The following METAP1 variants were observed in gnomAD, a reference collection of about 807,000 sequenced individuals.
METAP1 encodes the protein methionyl aminopeptidase 1, also known as methionine aminopeptidase 1.
A neutral mutation model predicts 53.8 loss-of-function variants in METAP1; 28 were observed. The ratio of observed to expected loss-of-function variants is 0.52; its 90% CI spans 0.39 to 0.71. The LOEUF (loss-of-function observed/expected upper bound fraction) is 0.71. Ranked by LOEUF, METAP1 falls within the 30% of genes least tolerant of loss-of-function variation. The pLI is 0.00. For synonymous variants in METAP1, 181 were observed against 165.7 expected (o/e 1.09, Z -0.71); for missense variants, 389 against 479.8 (o/e 0.81, Z 1.77).
rs1722919379 is a variant in METAP1 at position 99,001,392 on chromosome 4, T to TA, written c.114+5526dup. Among the ~76,000 whole-genome samples the TA allele has an allele frequency of 2.0e-5, 3 of 152,112 alleles. No homozygotes were observed. The South Asian group carries it at 6.2e-4, about 32-fold the overall frequency. On this transcript the variant is annotated intron_variant, in intron 1 of 10. Transcript: ENST00000296411. ...TTGTTTATTGTAGAAAAATAGAAAA[T>TA]ATGTGTGAAGATAATCAATTACCCA...
intron 8 of METAP1, among the ~76,000 whole-genome samples, chr4:99,048,485 A>G (rs1426062772): frequency 6.6e-6 from 1 of 152,134 alleles, no homozygotes; most frequent in Non-Finnish European, 1.5e-5. Flanking sequence ...CTCCTAGCAC[A>G]GCCTCCCAAA....
intron 1 of METAP1, among the ~76,000 whole-genome samples, chr4:99,015,591 T>C (rs145394602): frequency 1.3e-5 from 2 of 152,308 alleles, no homozygotes; most frequent in East Asian, 3.9e-4. Context: ...CCATAGAACA[T>C]TATTCCAACT....
At chr4:99,060,225 T>C (rs564797233) in intron 10 of METAP1, among the ~76,000 whole-genome samples, 2 of 152,254 alleles carry the variant, frequency 1.3e-5, no homozygotes, top group African/African-American at 4.8e-5. Flanking sequence ...CTTGTAAAAC[T>C]GAAACTCAAC....
At chr4:99,033,831 T>A (rs1036872484) in intron 2 of METAP1, among the ~76,000 whole-genome samples, 1 of 152,236 alleles carries the variant, frequency 6.6e-6, no homozygotes, top group African/African-American at 2.4e-5. Context: ...TTGTAACATC[T>A]GACCTCAGTT....
At chr4:99,033,324 A>G (rs1464887447) in intron 2 of METAP1, among the ~76,000 whole-genome samples, 2 of 152,146 alleles carry the variant, frequency 1.3e-5, no homozygotes, top group South Asian at 2.1e-4. Context: ...TAGAATGACA[A>G]TAATCAGGAA....
intron 1 of METAP1, among the ~76,000 whole-genome samples, chr4:99,011,246 T>G (rs1341615171): frequency 6.6e-6 from 1 of 152,228 alleles, no homozygotes; most frequent in Non-Finnish European, 1.5e-5. Context: ...TGGACTCAGA[T>G]GAAAAGCTTT....
chr4:99,034,880 A>T (rs1358627948), intron 3 of METAP1, among the ~76,000 whole-genome samples: 2 of 152,186 alleles, frequency 1.3e-5, no homozygotes, highest in Non-Finnish European at 2.9e-5. Context: ...TATTCTTGGC[A>T]GATAGGACTT....
At chr4:98,999,508 A>ATTTT (rs58336779) in intron 1 of METAP1, among the ~76,000 whole-genome samples, 3 of 113,052 alleles carry the variant, frequency 2.7e-5, no homozygotes, top group African/African-American at 7.8e-5. Context: ...AGGATGCTTA[A>ATTTT]TTTTTTTTTT....
chr4:99,056,139 C>CA (rs986742517), intron 9 of METAP1, among the ~76,000 whole-genome samples: 2 of 152,036 alleles, frequency 1.3e-5, no homozygotes, highest in African/African-American at 4.8e-5. Flanking sequence ...GAGTCAGCCT[C>CA]AAAGGGCGGG....
intron 10 of METAP1, among the ~76,000 whole-genome samples, chr4:99,058,436 A>G (rs1332070332): frequency 6.6e-6 from 1 of 152,080 alleles, no homozygotes; most frequent in East Asian, 1.9e-4. Context: ...CTTGGAAAGC[A>G]CACTTGGCTC....
intron 9 of METAP1, among the ~76,000 whole-genome samples, chr4:99,055,342 G>C (rs1727025030): frequency 6.7e-6 from 1 of 148,174 alleles, no homozygotes; most frequent in African/African-American, 2.5e-5. Context: ...AGTGAGCCGA[G>C]ATCGTGCCAC....
chr4:99,052,349 T>A (rs945931700), intron 9 of METAP1, among the ~76,000 whole-genome samples: 1 of 152,178 alleles, frequency 6.6e-6, no homozygotes, highest in Admixed American at 6.5e-5. Context: ...CTGGTAGAAT[T>A]CTTGTTAGAA....
chr4:99,053,887 CTATAT>C (rs1377771249), intron 9 of METAP1, among the ~76,000 whole-genome samples: 4 of 150,010 alleles, frequency 2.7e-5, no homozygotes, highest in Non-Finnish European at 5.9e-5. Context: ...ATTATATTAA[CTATAT>C]TATATGTTAA....
chr4:99,022,714 A>C lies in METAP1; in HGVS notation c.115-6153A>C, dbSNP rs997946876. The C allele has an allele frequency of 7.2e-6, 11 of 1,524,598 alleles. No homozygotes were observed. In the East Asian group the frequency reaches 2.5e-4, roughly 35 times the overall value. The allele number at this position is 1,524,598 out of a possible 1,614,324, so 94.4% of individuals were successfully genotyped here. ...GCAAGTACTTGAGATTCCATAGGTCATAATGGGAGGGGCTGCACCTGTGGG... is the reference window on the plus strand; with the variant it reads ...GCAAGTACTTGAGATTCCATAGGTCCTAATGGGAGGGGCTGCACCTGTGGG... On this transcript the variant is annotated intron_variant, in intron 1 of 10. Coordinates refer to ENST00000296411, the MANE Select transcript of METAP1 (RefSeq NM_015143.3).
At chr4:99,013,268 A>G (rs540225560) in intron 1 of METAP1, among the ~76,000 whole-genome samples, 1 of 152,284 alleles carries the variant, frequency 6.6e-6, no homozygotes, top group Non-Finnish European at 1.5e-5. Flanking sequence ...TATTTTCTAT[A>G]AATACATTTG....
At chr4:99,015,209 T>G (rs571133694) in intron 1 of METAP1, among the ~76,000 whole-genome samples, 22 of 151,640 alleles carry the variant, frequency 1.5e-4, no homozygotes, top group Non-Finnish European at 2.7e-4. Context: ...CTTGATACCC[T>G]GTCTCAATAG....
intron 3 of METAP1, among the ~76,000 whole-genome samples, chr4:99,035,148 G>A (rs750815225): frequency 1.2e-4 from 19 of 152,132 alleles, no homozygotes; most frequent in Admixed American, 3.3e-4. Flanking sequence ...AATAACATGG[G>A]TGTCTTGTTA....
intron 9 of METAP1, 119 bp downstream of exon 9, chr4:99,048,995 T>C (rs1323005664): frequency 1.6e-6 from 2 of 1,212,172 alleles, no homozygotes; most frequent in Non-Finnish European, 2.3e-6. Context: ...CTGTAATAGA[T>C]AGATTCCCAA....
intron 9 of METAP1, among the ~76,000 whole-genome samples, chr4:99,055,495 G>T (rs17216446): frequency 0.45 from 68,837 of 152,068 alleles, 17,616 homozygotes; most frequent in South Asian, 0.67. Flanking sequence ...CAGTCATTCT[G>T]TGAGAGACTA....
Sources: allele counts gnomAD v4.1 joint callset (sites outside exome capture counted in the v4.1 genomes callset), GRCh38; gene constraint gnomAD v4.1.1; transcripts MANE v1.5; gene names NCBI Gene and HGNC (gene_info 2026-07-23, HGNC 2026-07-21).